Variants in MPRIP observed in about 807,000 individuals in gnomAD.
The protein encoded by MPRIP is myosin phosphatase Rho interacting protein, also known as myosin phosphatase Rho-interacting protein.
MPRIP carries 59 observed loss-of-function variants against 234.9 expected under a neutral mutation model. The observed-to-expected ratio is 0.25, with a 90% CI of 0.20 to 0.31. The LOEUF is 0.31. MPRIP is among the 10% of genes least tolerant of loss of function. MPRIP has a pLI of 1.00. For missense variants in MPRIP, 2,436 were observed against 3,071.0 expected (o/e 0.79, Z 4.89); for synonymous variants, 1,144 against 1,263.9 (o/e 0.91, Z 2.01).
intron 19 of MPRIP, among the ~76,000 whole-genome samples, chr17:17,174,735 T>C (rs1321406319): frequency 6.7e-6 from 1 of 150,168 alleles, no homozygotes; most frequent in Non-Finnish European, 1.5e-5. Context: ...CTGGGAAGGC[T>C]GAGGCAGGAG....
Position 17,042,915 on chromosome 17 carries a change from C to T in MPRIP, c.67C>T (p.Gln23Ter), listed in dbSNP as rs2088222331. The T allele has an allele frequency of 6.2e-7, 1 of 1,610,760 alleles. No individual in the cohort carries two copies. The highest frequency in any genetic ancestry group is 1.7e-5 in the Admixed American group (1 of 59,958). The change falls in exon 1 of 24, where the codon CAG becomes TAG. Residue 23 changes from glutamine to a stop codon, truncating the protein, a stop_gained. Coordinates refer to ENST00000651222, the MANE Select transcript of MPRIP (RefSeq NM_001364716.4). LOFTEE classifies it high-confidence loss of function. Reference protein sequence around the residue: ...QANIFNKSKCQNCFKPRESHL... With the variant: ...QANIFNKSKC ...CAACATCTTCAACAAGAGCAAGTGTCAGAACTGCTTCAAGCCCCGCGAGTC... is the reference window on the plus strand; with the variant it reads ...CAACATCTTCAACAAGAGCAAGTGTTAGAACTGCTTCAAGCCCCGCGAGTC...
In MPRIP at chr17:17,158,474, G is replaced by A; in HGVS notation, c.1872G>A (p.Glu624=). The A allele has an allele frequency of 6.3e-7, 1 of 1,599,052 alleles. No individual in the cohort carries two copies. Among genetic ancestry groups the A allele is most frequent in the Non-Finnish European group, 8.5e-7 (1 of 1,173,992 alleles). ...EEKNKSSCSF[E]TCPRPTEKQE... is the part of the protein sequence containing the mutation. ...AAAACAAGAGCAGCTGCTCTTTTGA[G>A]ACCTGCCCGAGGCCTACTGAGAAGC... The change falls in exon 14 of 24, where the codon GAG becomes GAA. Residue 624 remains glutamate (E), a synonymous_variant. Coordinates refer to ENST00000651222, the MANE Select transcript of MPRIP (RefSeq NM_001364716.4).
intron 18 of MPRIP, among the ~76,000 whole-genome samples, chr17:17,173,226 G>T (rs2046183476): frequency 6.6e-6 from 1 of 152,252 alleles, no homozygotes; most frequent in African/African-American, 2.4e-5. Context: ...CTCTGCACAG[G>T]CAGGATAGAA....
At chr17:17,043,647 G>C (rs2088252800) in intron 1 of MPRIP, among the ~76,000 whole-genome samples, 1 of 152,190 alleles carries the variant, frequency 6.6e-6, no homozygotes, top group Non-Finnish European at 1.5e-5. Flanking sequence ...GTGCATTAGA[G>C]TCATAGCCAT....
intron 3 of MPRIP, among the ~76,000 whole-genome samples, chr17:17,118,685 G>C (rs571860437): frequency 6.6e-6 from 1 of 151,616 alleles, no homozygotes; most frequent in Non-Finnish European, 1.5e-5. Context: ...TCAGTCCCTA[G>C]GCGTGGTTGG....
intron 12 of MPRIP, 62 bp downstream of exon 12, chr17:17,150,295 C>T (rs1374787749): frequency 3.1e-6 from 4 of 1,306,164 alleles, no homozygotes; most frequent in Non-Finnish European, 4.4e-6. Context: ...GTCAGAGTGC[C>T]TAATGTCTGG....
chr17:17,141,681 C>A (rs906518717), intron 7 of MPRIP: 2 of 152,258 alleles, frequency 1.3e-5, no homozygotes, highest in Admixed American at 6.5e-5. Flanking sequence ...AATTAGGCTT[C>A]CAGGCTTGGG....
At chr17:17,069,240 C>T (rs747770988) in intron 1 of MPRIP, among the ~76,000 whole-genome samples, 3 of 152,084 alleles carry the variant, frequency 2.0e-5, no homozygotes, top group Non-Finnish European at 4.4e-5. Context: ...GATAACATAA[C>T]AACTCTGCTC....
intron 3 of MPRIP, among the ~76,000 whole-genome samples, chr17:17,125,139 C>G (rs2090466405): frequency 1.3e-5 from 2 of 152,238 alleles, no homozygotes; most frequent in African/African-American, 4.8e-5. Context: ...CAAGGACCCT[C>G]CAAGAGTGTC....
chr17:17,095,290 C>T (rs1263497953), intron 3 of MPRIP, among the ~76,000 whole-genome samples: 1 of 152,116 alleles, frequency 6.6e-6, no homozygotes, highest in Non-Finnish European at 1.5e-5. Context: ...AGTGGCGACC[C>T]TTCAGAAGGA....
intron 23 of MPRIP, among the ~76,000 whole-genome samples, chr17:17,181,309 G>A (rs752322477): frequency 2.0e-5 from 3 of 152,166 alleles, no homozygotes; most frequent in Admixed American, 1.3e-4. Context: ...AGTAGTTGCC[G>A]GCTCAGTAGC....
intron 11 of MPRIP, chr17:17,149,728 TA>T (rs1287522948): frequency 9.7e-6 from 1 of 103,420 alleles, no homozygotes; most frequent in Non-Finnish European, 2.5e-5. Flanking sequence ...TTTAAATGTA[TA>T]AAATATATTT....
intron 7 of MPRIP, among the ~76,000 whole-genome samples, chr17:17,141,016 G>T (rs972744075): frequency 2.0e-5 from 3 of 152,160 alleles, no homozygotes; most frequent in African/African-American, 7.2e-5. Flanking sequence ...GTGCGAGCCT[G>T]TGGTCTTACA....
At chr17:17,152,816 G>A (rs963173370) in intron 12 of MPRIP, among the ~76,000 whole-genome samples, 2 of 152,240 alleles carry the variant, frequency 1.3e-5, no homozygotes, top group African/African-American at 4.8e-5. Context: ...GGGCAAGAAA[G>A]GAAGGAGCAG....
intron 9 of MPRIP, among the ~76,000 whole-genome samples, chr17:17,145,715 G>A (rs950879208): frequency 6.6e-6 from 1 of 152,244 alleles, no homozygotes; most frequent in African/African-American, 2.4e-5. Flanking sequence ...ATCTGGGCTT[G>A]TTTTCTGCCT....
At chr17:17,089,375 A>G (rs985534007) in intron 3 of MPRIP, among the ~76,000 whole-genome samples, 13 of 152,120 alleles carry the variant, frequency 8.5e-5, no homozygotes, top group Admixed American at 7.9e-4. Context: ...TGTCACCACT[A>G]CAGTCTCTTG....
At chr17:17,121,166 C>T (rs1416448766) in intron 3 of MPRIP, among the ~76,000 whole-genome samples, 1 of 152,192 alleles carries the variant, frequency 6.6e-6, no homozygotes, top group East Asian at 1.9e-4. Flanking sequence ...TGTGTTTTCT[C>T]AGGCAGTTTG....
intron 7 of MPRIP, chr17:17,142,368 TG>T: frequency 2.6e-6 from 1 of 384,548 alleles, no homozygotes; most frequent in Non-Finnish European, 4.8e-6. Context: ...GAATGCCGAG[TG>T]GGTCAGCACC....
At chr17:17,184,377 C>T (rs2046431810) in intron 23 of MPRIP, among the ~76,000 whole-genome samples, 1 of 152,214 alleles carries the variant, frequency 6.6e-6, no homozygotes, top group African/African-American at 2.4e-5. Flanking sequence ...ACCCATCCTG[C>T]TGGGGATTCC....
Sources: allele counts gnomAD v4.1 joint callset (sites outside exome capture counted in the v4.1 genomes callset), GRCh38; gene constraint gnomAD v4.1.1; transcripts MANE v1.5; gene names NCBI Gene and HGNC (gene_info 2026-07-23, HGNC 2026-07-21).